The following RBMS3 variants were observed in gnomAD, a reference collection of about 807,000 sequenced individuals.
RBMS3 encodes RNA-binding motif, single-stranded-interacting protein 3.
Under a neutral mutation model 66.8 loss-of-function variants are expected in RBMS3, and 27 were observed. That is an observed-to-expected ratio of 0.40 (90% CI 0.30 to 0.56). The LOEUF (loss-of-function observed/expected upper bound fraction) is 0.56. RBMS3 is among the 20% of genes least tolerant of loss of function. The pLI is 0.40. For synonymous variants in RBMS3, 188 were observed against 183.0 expected, an observed-to-expected ratio of 1.03 and a Z score of -0.22; for missense variants, 513 against 549.5, an observed-to-expected ratio of 0.93 and a Z score of 0.66.
chr3:29,463,610 A>C lies in RBMS3; in HGVS notation c.249-24831A>C, dbSNP rs962315789. Among the ~76,000 whole-genome samples, 7 of 113,636 alleles carry C rather than the reference A, an allele frequency of 6.2e-5. No homozygotes were observed. The Admixed American group carries it at 7.2e-4, about 12-fold the overall frequency. The allele number at this position is 113,636 out of a possible 152,430, so 74.5% of individuals were successfully genotyped here. ...ATACTAGGATTATGTATTTCTGGTT[A>C]GTTGAAAAAAAAAAAAAAAAAGCAG... On this transcript the variant is annotated intron_variant, in intron 2 of 14. Coordinates refer to ENST00000383767, the MANE Select transcript of RBMS3 (RefSeq NM_001003793.3).
At chr3:29,546,835 A>G (rs2045970072) in intron 3 of RBMS3, among the ~76,000 whole-genome samples, 1 of 152,216 alleles carries the variant, frequency 6.6e-6, no homozygotes, top group African/African-American at 2.4e-5. Flanking sequence ...CCTGAATCAG[A>G]CATAGTTGAT....
intron 6 of RBMS3, among the ~76,000 whole-genome samples, chr3:29,792,701 G>A (rs2057052779): frequency 6.6e-6 from 1 of 152,156 alleles, no homozygotes; most frequent in Non-Finnish European, 1.5e-5. Flanking sequence ...GAGCAAAAAT[G>A]CTGTTTATTT....
At chr3:29,551,706 A>G (rs538673516) in intron 3 of RBMS3, among the ~76,000 whole-genome samples, 2 of 152,322 alleles carry the variant, frequency 1.3e-5, no homozygotes, top group South Asian at 4.1e-4. Flanking sequence ...TTTGTGAAAA[A>G]TTTAAAAAGT....
At chr3:29,860,799 G>T (rs1380933062) in intron 6 of RBMS3, among the ~76,000 whole-genome samples, 1 of 152,204 alleles carries the variant, frequency 6.6e-6, no homozygotes, top group Non-Finnish European at 1.5e-5. Flanking sequence ...CCATTAGTAT[G>T]AACAGCTTTT....
At chr3:29,787,052 A>G (rs2056844874) in intron 6 of RBMS3, among the ~76,000 whole-genome samples, 1 of 152,172 alleles carries the variant, frequency 6.6e-6, no homozygotes. Context: ...AAGAAGATAT[A>G]CAAATGGCCA....
At chr3:29,630,255 C>T (rs1420880701) in intron 4 of RBMS3, among the ~76,000 whole-genome samples, 1 of 151,934 alleles carries the variant, frequency 6.6e-6, no homozygotes, top group Non-Finnish European at 1.5e-5. Context: ...TTTTTTAATT[C>T]TGTCGTACAG....
rs74936952 is a variant in RBMS3, at chr3:29,745,921, G to A, written c.557+6044G>A. Among the ~76,000 whole-genome samples, 1,441 of 151,382 alleles carry A rather than the reference G, an allele frequency of 9.5e-3. 31 individuals carry two copies. The highest frequency in any genetic ancestry group is 0.034 in the African/African-American group (1,390 of 41,280). ...AGTAAAAAAAAAAAGATGGGTATAG[G>A]CATACAAATACTAGCCTGCTTACTA... On this transcript the variant is annotated intron_variant, in intron 5 of 14. Coordinates refer to ENST00000383767, the MANE Select transcript of RBMS3 (RefSeq NM_001003793.3).
At chr3:29,573,484 T>C (rs1423561160) in intron 3 of RBMS3, among the ~76,000 whole-genome samples, 1 of 152,150 alleles carries the variant, frequency 6.6e-6, no homozygotes, top group Non-Finnish European at 1.5e-5. Context: ...TTAGTCTGGC[T>C]AAAAGTTTGC....
intron 1 of RBMS3, among the ~76,000 whole-genome samples, chr3:29,421,122 A>C (rs79856372): frequency 6.9e-6 from 1 of 145,594 alleles, no homozygotes; most frequent in Non-Finnish European, 1.5e-5. Context: ...CTAAAGAAAA[A>C]AAAAAAGAAA....
chr3:29,690,582 G>A (rs1043735064), intron 4 of RBMS3, among the ~76,000 whole-genome samples: 1 of 152,046 alleles, frequency 6.6e-6, no homozygotes, highest in East Asian at 1.9e-4. Context: ...ACTCAGTTTT[G>A]ACAGTATTCA....
At chr3:29,639,620 A>C (rs2049617475) in intron 4 of RBMS3, among the ~76,000 whole-genome samples, 1 of 151,656 alleles carries the variant, frequency 6.6e-6, no homozygotes, top group African/African-American at 2.4e-5. Context: ...AGAGAGAGAG[A>C]GAGAATGATC....
At chr3:29,550,393 G>A (rs2046140637) in intron 3 of RBMS3, among the ~76,000 whole-genome samples, 1 of 151,984 alleles carries the variant, frequency 6.6e-6, no homozygotes, top group Non-Finnish European at 1.5e-5. Context: ...GTATAAGTAT[G>A]TCCCATGCAA....
chr3:29,688,153 A>G (rs1033497863), intron 4 of RBMS3, among the ~76,000 whole-genome samples: 14 of 152,080 alleles, frequency 9.2e-5, no homozygotes, highest in African/African-American at 3.4e-4. Flanking sequence ...TTCAGCCCTG[A>G]TTTGCCTTTT....
chr3:29,768,443 GA>G lies in RBMS3; in HGVS notation c.637+5455del, dbSNP rs145657365. ...AAATCTTTGTATGAGAAGCTAAATAGAGAAGGAAAAAGTTTCATCTTCAAAA... is the reference window on the plus strand; with the variant it reads ...AAATCTTTGTATGAGAAGCTAAATAGGAAGGAAAAAGTTTCATCTTCAAAA... On this transcript the variant is annotated intron_variant, in intron 6 of 14. Transcript: ENST00000383767. Among the ~76,000 whole-genome samples the G allele has an allele frequency of 6.4e-3, 975 of 151,992 alleles. 19 individuals carry two copies. Among genetic ancestry groups the G allele is most frequent in the Admixed American group, 0.035 (537 of 15,224 alleles).
intron 1 of RBMS3, among the ~76,000 whole-genome samples, chr3:29,416,372 GGTCAATGGCCATCCAAAGT>G (rs1287076144): frequency 2.0e-5 from 3 of 151,428 alleles, no homozygotes; most frequent in African/African-American, 7.3e-5. Flanking sequence ...TCTCAAAAAT[GGTCAATGGCCATCCAAAGT>G]GTATAAAATT....
chr3:29,395,803 A>T (rs2039519616), intron 1 of RBMS3, among the ~76,000 whole-genome samples: 1 of 152,190 alleles, frequency 6.6e-6, no homozygotes, highest in Non-Finnish European at 1.5e-5. Context: ...ATTGCTACTA[A>T]GTAATAAAGG....
chr3:29,827,923 C>A (rs1205908026), intron 6 of RBMS3, among the ~76,000 whole-genome samples: 1 of 152,114 alleles, frequency 6.6e-6, no homozygotes, highest in African/African-American at 2.4e-5. Context: ...CTAATGGTAA[C>A]CTCATAGCAT....
intron 10 of RBMS3, among the ~76,000 whole-genome samples, chr3:29,931,136 TAC>T (rs775130748): frequency 4.6e-5 from 7 of 152,190 alleles, no homozygotes; most frequent in Non-Finnish European, 8.8e-5. Context: ...AGTAAATATT[TAC>T]AGTTTGTCAT....
At chr3:29,893,092 G>A (rs1036627925) in intron 8 of RBMS3, among the ~76,000 whole-genome samples, 2 of 151,300 alleles carry the variant, frequency 1.3e-5, no homozygotes, top group African/African-American at 4.8e-5. Flanking sequence ...GTTTGGACTT[G>A]AGAAGAGCTT....
Sources: gnomAD v4.1 joint callset for allele counts (sites outside exome capture counted in the v4.1 genomes callset) on GRCh38, gnomAD v4.1.1 for gene constraint, MANE v1.5 for transcripts, NCBI Gene and HGNC (gene_info 2026-07-23, HGNC 2026-07-21) for gene names.